CNIH3: variants seen among roughly 807,000 people sequenced by gnomAD.
The protein encoded by CNIH3 is protein cornichon homolog 3.
Under a neutral mutation model 24.1 loss-of-function variants are expected in CNIH3, and 14 were observed. That is an observed-to-expected ratio of 0.58 (90% confidence interval 0.38 to 0.91). The LOEUF (loss-of-function observed/expected upper bound fraction) is 0.91, where lower values mean the gene tolerates loss of function less well. Ranked by LOEUF, CNIH3 falls within the 40% of genes least tolerant of loss-of-function variation. CNIH3 has a pLI of 0.00. For synonymous variants in CNIH3, 68 were observed against 73.8 expected, an observed-to-expected ratio of 0.92 and a Z score of 0.40; for missense variants, 178 against 196.8, an observed-to-expected ratio of 0.90 and a Z score of 0.57.
chr1:224,505,579 T>C (rs774417175), intron 1 of CNIH3, among the ~76,000 whole-genome samples: 1 of 152,118 alleles, frequency 6.6e-6, no homozygotes, highest in Non-Finnish European at 1.5e-5. Flanking sequence ...ACCCCTAGGG[T>C]AGGTGTAATT....
intron 4 of CNIH3, among the ~76,000 whole-genome samples, chr1:224,569,618 G>T (rs1217314805): frequency 2.6e-5 from 4 of 152,060 alleles, no homozygotes; most frequent in Admixed American, 1.3e-4. Flanking sequence ...TTTTCAAGTG[G>T]TTGTACCAGT....
At chr1:224,435,134 C>T (rs1674590501) in intron 1 of CNIH3, 7 of 985,932 alleles carry the variant, frequency 7.1e-6, no homozygotes, top group Non-Finnish European at 8.4e-6. Context: ...ACCAGTGTGG[C>T]ATGGGCATGT....
intron 1 of CNIH3, among the ~76,000 whole-genome samples, chr1:224,503,108 C>A (rs1278457711): frequency 6.6e-6 from 1 of 152,088 alleles, no homozygotes; most frequent in Non-Finnish European, 1.5e-5. Context: ...CGGATGAAGT[C>A]ACCACCTTTT....
At chr1:224,455,317 G>A (rs1675602514) in intron 1 of CNIH3, among the ~76,000 whole-genome samples, 1 of 152,138 alleles carries the variant, frequency 6.6e-6, no homozygotes, top group South Asian at 2.1e-4. Context: ...GTATTTGAAT[G>A]AGTGAGGTGG....
intron 1 of CNIH3, among the ~76,000 whole-genome samples, chr1:224,653,025 C>A (rs1684933361): frequency 6.6e-6 from 1 of 152,182 alleles, no homozygotes; most frequent in Admixed American, 6.5e-5. Context: ...TTTGTGCCAG[C>A]CCTGGTGAGT....
chr1:224,703,147 T>C lies in CNIH3; in HGVS notation c.198+18304T>C, dbSNP rs1687593204. 6.6e-6 allele frequency among the ~76,000 whole-genome samples: 1 copy of C among 152,204 alleles called. No homozygotes were observed. The highest frequency in any genetic ancestry group is 1.5e-5 in the Non-Finnish European group (1 of 68,036). ...CTGACCTCTCAAGGTCCATCTGTCC[T>C]GGCTGGTCAAAACCTTTTTTCTACC... On this transcript the variant is annotated intron_variant, in intron 3 of 5. Transcript: ENST00000272133. The surrounding 1 kb of genome is among the most constrained non-coding windows in gnomAD (Gnocchi z 4.2).
At chr1:224,711,868 C>T (rs893594151) in intron 3 of CNIH3, among the ~76,000 whole-genome samples, 4 of 150,710 alleles carry the variant, frequency 2.7e-5, no homozygotes, top group Admixed American at 2.0e-4. Context: ...CAACTTTTGC[C>T]AATCCATTTA....
chr1:224,617,293 A>C lies in CNIH3; in HGVS notation c.81+38A>C, dbSNP rs749706731. 7 of 1,597,912 alleles carry C rather than the reference A, an allele frequency of 4.4e-6. No individual in the cohort carries two copies. The African/African-American group carries it at 9.5e-5, about 22-fold the overall frequency. Reference sequence around the variant, plus strand: ...CTTTGGTCTCTCTTCTTTCGCCCCAATTTCGCTAAATTTCCCCGATTTCAC... The same window carrying C: ...CTTTGGTCTCTCTTCTTTCGCCCCACTTTCGCTAAATTTCCCCGATTTCAC... On this transcript the variant is annotated intron_variant, in intron 1 of 5. Coordinates refer to ENST00000272133, the MANE Select transcript of CNIH3 (RefSeq NM_152495.2).
At chr1:224,550,224 G>C (rs531949418) in intron 3 of CNIH3, among the ~76,000 whole-genome samples, 1 of 152,158 alleles carries the variant, frequency 6.6e-6, no homozygotes, top group African/African-American at 2.4e-5. Context: ...TAAACAGTGT[G>C]TGTAACCACT....
intron 1 of CNIH3, among the ~76,000 whole-genome samples, chr1:224,482,932 C>T (rs1029767252): frequency 4.6e-5 from 7 of 152,084 alleles, no homozygotes; most frequent in African/African-American, 9.7e-5. Context: ...GTGGAGTGGG[C>T]GATTCCCCTC....
intron 1 of CNIH3, among the ~76,000 whole-genome samples, chr1:224,647,981 T>C (rs938963320): frequency 1.2e-4 from 18 of 152,166 alleles, no homozygotes; most frequent in African/African-American, 3.9e-4. Flanking sequence ...TTTGGAGACA[T>C]ATACTGATGA....
rs1682330916 is a variant in CNIH3, at chr1:224,604,474, T to C, written n.402+38210T>C. ...AAGTGAGAAGCAGCTTCCTGTGGAC[T>C]GGACAGAGGCTGAGATGGAGCCTCT... is the stretch of plus-strand genomic sequence containing the variant. On this transcript the variant is annotated intron_variant and non_coding_transcript_variant, in intron 3 of 7. Transcript: ENST00000478120. The surrounding 1 kb of genome is among the most constrained non-coding windows in gnomAD (Gnocchi z 4.4). 1.3e-5 allele frequency among the ~76,000 whole-genome samples: 2 copies of C among 149,704 alleles called. No homozygotes were observed. Among genetic ancestry groups the C allele is most frequent in the African/African-American group, 5.1e-5 (2 of 39,068 alleles).
intron 1 of CNIH3, among the ~76,000 whole-genome samples, chr1:224,646,706 T>A (rs1433314697): frequency 6.6e-6 from 1 of 152,164 alleles, no homozygotes; most frequent in Non-Finnish European, 1.5e-5. Context: ...ATGTCCAGTC[T>A]ATTACAAGCA....
intron 3 of CNIH3, among the ~76,000 whole-genome samples, chr1:224,691,196 A>G (rs1339242175): frequency 6.6e-6 from 1 of 152,224 alleles, no homozygotes; most frequent in African/African-American, 2.4e-5. Context: ...GTGAGGCTCC[A>G]TGTCAGAAAC....
chr1:224,679,169 T>A (rs59093574), intron 1 of CNIH3, among the ~76,000 whole-genome samples: 4,272 of 150,828 alleles, frequency 0.028, 150 homozygotes, highest in African/African-American at 0.086. Context: ...AATATAAAAA[T>A]TTTTTTTTTG....
intron 3 of CNIH3, among the ~76,000 whole-genome samples, chr1:224,725,649 C>A (rs1436463416): frequency 6.6e-6 from 1 of 152,106 alleles, no homozygotes; most frequent in Non-Finnish European, 1.5e-5. Flanking sequence ...TGACACCAGC[C>A]CCTCAGAAAA....
chr1:224,506,943 G>A (rs1208160420), intron 1 of CNIH3, among the ~76,000 whole-genome samples: 1 of 152,014 alleles, frequency 6.6e-6, no homozygotes, highest in Non-Finnish European at 1.5e-5. Context: ...GCTCACTGCA[G>A]CCTCAACTTC....
chr1:224,639,872 T>G (rs1684273655), intron 1 of CNIH3, among the ~76,000 whole-genome samples: 1 of 152,190 alleles, frequency 6.6e-6, no homozygotes, highest in Non-Finnish European at 1.5e-5. Context: ...CAGAGAATCT[T>G]TAAATCCACT....
chr1:224,610,838 G>C (rs2125051280), intron 3 of CNIH3, among the ~76,000 whole-genome samples: 1 of 152,282 alleles, frequency 6.6e-6, no homozygotes, highest in African/African-American at 2.4e-5. Context: ...ATTTGCCTTA[G>C]GTTGCCACTT....
Sources: allele counts gnomAD v4.1 joint callset (sites outside exome capture counted in the v4.1 genomes callset), GRCh38; gene constraint gnomAD v4.1.1; non-coding constraint Gnocchi (gnomAD v3.1); transcripts MANE v1.5; gene names NCBI Gene and HGNC (gene_info 2026-07-23, HGNC 2026-07-21).